The following CSMD3 variants were observed in gnomAD, a reference collection of about 807,000 sequenced individuals.
CSMD3 encodes CUB and sushi domain-containing protein 3.
Under a neutral mutation model 435.2 loss-of-function variants are expected in CSMD3, and 177 were observed. The ratio of observed to expected loss-of-function variants is 0.41; its 90% CI spans 0.36 to 0.46. CSMD3 has a LOEUF of 0.46. Ranked by LOEUF, CSMD3 falls within the 20% of genes least tolerant of loss-of-function variation. The pLI is 0.34. For synonymous variants in CSMD3, 1,656 were observed against 1,520.5 expected (o/e 1.09, Z -2.07); for missense variants, 4,265 against 4,504.6 (o/e 0.95, Z 1.52).
chr8:112,785,112 G>T (rs2078503722), intron 13 of CSMD3, among the ~76,000 whole-genome samples: 1 of 151,842 alleles, frequency 6.6e-6, no homozygotes, highest in Non-Finnish European at 1.5e-5. Context: ...TTCAACATCT[G>T]CATACCAATT....
chr8:112,406,828 T>C, intron 34 of CSMD3, 101 bp from the exon 35 acceptor site: 1 of 646,144 alleles, frequency 1.5e-6, no homozygotes. Flanking sequence ...CATCACTTTT[T>C]ATCAGAACTT....
At chr8:113,436,316 C>A (rs1482299776) in intron 1 of CSMD3, among the ~76,000 whole-genome samples, 5 of 152,160 alleles carry the variant, frequency 3.3e-5, no homozygotes, top group Non-Finnish European at 7.3e-5. Flanking sequence ...CCACCCAAAG[C>A]CTCAAGCCCT....
intron 22 of CSMD3, among the ~76,000 whole-genome samples, chr8:112,620,229 T>C (rs1833963163): frequency 6.6e-6 from 1 of 152,110 alleles, no homozygotes; most frequent in African/African-American, 2.4e-5. Flanking sequence ...AGTTCCTACT[T>C]TGGGAAAAAC....
chr8:112,710,147 T>C (rs995886848), intron 13 of CSMD3, among the ~76,000 whole-genome samples: 4 of 152,120 alleles, frequency 2.6e-5, no homozygotes, highest in African/African-American at 9.7e-5. Context: ...ATGGGGTTTA[T>C]TTTTTCTTCA....
intron 32 of CSMD3, among the ~76,000 whole-genome samples, chr8:112,436,624 G>C (rs1814383426): frequency 6.9e-6 from 1 of 145,474 alleles, no homozygotes; most frequent in South Asian, 2.2e-4. Context: ...ATACATATTT[G>C]TGTATACATA....
intron 5 of CSMD3, among the ~76,000 whole-genome samples, chr8:113,036,054 A>G (rs2087337152): frequency 6.6e-6 from 1 of 151,982 alleles, no homozygotes; most frequent in Non-Finnish European, 1.5e-5. Context: ...CCAATGTTTT[A>G]AAAGAAAAAC....
At chr8:112,664,390 A>T (rs2075465740) in intron 17 of CSMD3, among the ~76,000 whole-genome samples, 3 of 152,196 alleles carry the variant, frequency 2.0e-5, no homozygotes, top group Admixed American at 1.3e-4. Context: ...ATTCATGGAA[A>T]AACTATATTG....
chr8:112,274,886 C>G lies in CSMD3; in HGVS notation c.9508+6288G>C, dbSNP rs566384969. On this transcript the variant is annotated intron_variant, in intron 59 of 70. Coordinates refer to ENST00000297405, the MANE Select transcript of CSMD3 (RefSeq NM_198123.2). ...AAGATTTGTCTTACTATTTAAATCT[C>G]TTGAAGAAATAGTTGACTAATTAAA... Among the ~76,000 whole-genome samples the G allele has an allele frequency of 1.1e-4, 17 of 152,310 alleles. No homozygotes were observed. The South Asian group carries it at 2.9e-3, about 26-fold the overall frequency.
chr8:112,514,469 T>C lies in CSMD3; in HGVS notation c.4756+2565A>G, dbSNP rs571240437. Among the ~76,000 whole-genome samples, 55 of 152,312 alleles carry C rather than the reference T, an allele frequency of 3.6e-4. No homozygotes were observed. In the Middle Eastern group the frequency reaches 0.014, roughly 38 times the overall value. ...AATGCAGTGTTTTCTGAGGCAGTTATATGGGCATCAACTATTGATAACTAT... is the reference window on the plus strand; with the variant it reads ...AATGCAGTGTTTTCTGAGGCAGTTACATGGGCATCAACTATTGATAACTAT... On this transcript the variant is annotated intron_variant, in intron 28 of 70. Coordinates refer to ENST00000297405, the MANE Select transcript of CSMD3 (RefSeq NM_198123.2).
At chr8:113,434,514 C>G (rs928890602) in intron 1 of CSMD3, among the ~76,000 whole-genome samples, 1 of 152,086 alleles carries the variant, frequency 6.6e-6, no homozygotes, top group Non-Finnish European at 1.5e-5. Context: ...AAACATAAAA[C>G]CTATGCAAAT....
intron 6 of CSMD3, among the ~76,000 whole-genome samples, chr8:112,977,770 C>T (rs1352143821): frequency 6.6e-6 from 1 of 152,034 alleles, no homozygotes; most frequent in Non-Finnish European, 1.5e-5. Context: ...CAGATAGCTT[C>T]TATTGAATAT....
intron 11 of CSMD3, among the ~76,000 whole-genome samples, chr8:112,850,046 G>A (rs2080440993): frequency 6.6e-6 from 1 of 152,064 alleles, no homozygotes; most frequent in Non-Finnish European, 1.5e-5. Context: ...TAGGGTTGTT[G>A]TAAAACTAAA....
rs746042403 is a variant in CSMD3, at chr8:112,314,508, C to T, written c.7470G>A (p.Val2490=). 6.2e-7 allele frequency: 1 copy of T among 1,612,158 alleles called. No individual in the cohort carries two copies. The highest frequency in any genetic ancestry group is 8.5e-7 in the Non-Finnish European group (1 of 1,178,386). ...NLQMCAWSIS[V]EKGYNITMFV... ...ACATGGTGATATTATAACCCTTTTC[C>T]ACTGAAATGCTCCATGCACACATTT... Residue 2490 remains valine, a synonymous_variant, in exon 48 of 71, where the codon GTG becomes GTA. Transcript: ENST00000297405.
At chr8:113,102,369 A>G (rs1045570991) in intron 4 of CSMD3, among the ~76,000 whole-genome samples, 1 of 152,144 alleles carries the variant, frequency 6.6e-6, no homozygotes, top group African/African-American at 2.4e-5. Context: ...TCTGTCCAAA[A>G]AGTATTCATT....
chr8:112,306,343 A>G, intron 50 of CSMD3, 151 bp from the exon 51 acceptor site: 1 of 673,002 alleles, frequency 1.5e-6, no homozygotes, highest in East Asian at 2.7e-5. Context: ...TACTTTCCGA[A>G]CCATAAATTT....
chr8:112,527,239 ATAACT>A (rs879653017), intron 27 of CSMD3, among the ~76,000 whole-genome samples: 6 of 151,906 alleles, frequency 3.9e-5, no homozygotes, highest in Non-Finnish European at 8.8e-5. Context: ...AAAGACACTG[ATAACT>A]TAAAAGTAAA....
At chr8:113,272,877 C>A (rs551758774) in intron 3 of CSMD3, among the ~76,000 whole-genome samples, 83 of 151,994 alleles carry the variant, frequency 5.5e-4, no homozygotes, top group Non-Finnish European at 1.0e-3. Flanking sequence ...GAGGAATAAA[C>A]AGGGGTTGGT....
At chr8:112,397,244 C>T (rs1830931231) in intron 35 of CSMD3, among the ~76,000 whole-genome samples, 1 of 152,174 alleles carries the variant, frequency 6.6e-6, no homozygotes, top group South Asian at 2.1e-4. Context: ...TTAAACTTGT[C>T]TATCTTCTGA....
rs117786293 is a variant in CSMD3, at chr8:113,433,204, C to T, written c.178+3473G>A. Among the ~76,000 whole-genome samples the T allele has an allele frequency of 2.4e-3, 358 of 152,232 alleles. 1 individual carries two copies. Among genetic ancestry groups the T allele is most frequent in the Admixed American group, 4.5e-3 (69 of 15,294 alleles). On this transcript the variant is annotated intron_variant, in intron 1 of 70. Coordinates refer to ENST00000297405, the MANE Select transcript of CSMD3 (RefSeq NM_198123.2). ...TTTTGTCTAGGTGGGTTTTTGTTTG[C>T]TGTTATTATTTTGAAAAGACATTGA...
Sources: gnomAD v4.1 joint callset for allele counts (sites outside exome capture counted in the v4.1 genomes callset) on GRCh38, gnomAD v4.1.1 for gene constraint, MANE v1.5 for transcripts, NCBI Gene and HGNC (gene_info 2026-07-23, HGNC 2026-07-21) for gene names.